The following MTHFD1L variants were observed in gnomAD, a reference collection of about 807,000 sequenced individuals.
MTHFD1L encodes the protein methylenetetrahydrofolate dehydrogenase (NADP+ dependent) 1 like.
Under a neutral mutation model 119.5 loss-of-function variants are expected in MTHFD1L, and 81 were observed. That is an observed-to-expected ratio of 0.68 (90% CI 0.57 to 0.82). MTHFD1L has a LOEUF of 0.82. Among genes scored for constraint, MTHFD1L ranks in the 40% least tolerant of loss-of-function variants. The pLI, the probability that MTHFD1L is intolerant of heterozygous loss-of-function variation, is 0.00. For missense variants in MTHFD1L, 1,125 were observed against 1,253.4 expected, an observed-to-expected ratio of 0.90 and a Z score of 1.55; for synonymous variants, 430 against 475.2, an observed-to-expected ratio of 0.90 and a Z score of 1.24.
At chr6:151,066,174 C>G (rs542430815) in intron 26 of MTHFD1L, among the ~76,000 whole-genome samples, 1 of 152,314 alleles carries the variant, frequency 6.6e-6, no homozygotes, top group East Asian at 1.9e-4. Flanking sequence ...CGGTGGCTTA[C>G]GCCTGTAATC....
intron 1 of MTHFD1L, among the ~76,000 whole-genome samples, chr6:150,871,032 T>TTA (rs900970610): frequency 2.8e-5 from 4 of 145,206 alleles, no homozygotes; most frequent in Admixed American, 7.0e-5. Context: ...ATACCTTAAT[T>TTA]TATATATATA....
rs58646889 is a variant in MTHFD1L at position 151,015,206 on chromosome 6, C to CTTTT, written c.2408+245_2408+248dup. 1.6e-3 allele frequency among the ~76,000 whole-genome samples: 124 copies of CTTTT among 76,864 alleles called. 2 individuals are homozygous for CTTTT. The highest frequency in any genetic ancestry group is 5.4e-3 in the African/African-American group (93 of 17,220). The allele number at this position is 76,864 out of a possible 152,430, so 50.4% of individuals were successfully genotyped here. A position where few individuals can be genotyped will look rare whatever the true frequency, so the allele number is the denominator to read the frequency against. ...ATATAGTGAGTTACTATCTCCTTGGCTTTTTTTTTTTTTTTTTTTTTTAAT... is the reference window on the plus strand; with the variant it reads ...ATATAGTGAGTTACTATCTCCTTGGCTTTTTTTTTTTTTTTTTTTTTTTTTTAAT... On this transcript the variant is annotated intron_variant, in intron 23 of 27. Transcript: ENST00000367321.
In MTHFD1L at chr6:150,923,402, A is replaced by G. The variant is rs934098469; in HGVS notation, c.1082+1100A>G. Among the ~76,000 whole-genome samples the G allele has an allele frequency of 3.3e-5, 5 of 152,094 alleles. No individual in the cohort carries two copies. The South Asian group carries it at 1.0e-3, about 32-fold the overall frequency. Reference sequence around the variant, plus strand: ...ACTCCAAGGAATTGGCCCCACCCCCATTATCCAGGTGTGCATAATACTAGG... The same window carrying G: ...ACTCCAAGGAATTGGCCCCACCCCCGTTATCCAGGTGTGCATAATACTAGG... On this transcript the variant is annotated intron_variant, in intron 10 of 27. Coordinates refer to ENST00000367321, the MANE Select transcript of MTHFD1L (RefSeq NM_015440.5).
intron 7 of MTHFD1L, among the ~76,000 whole-genome samples, chr6:150,904,281 A>T (rs1027732555): frequency 6.6e-6 from 1 of 152,064 alleles, no homozygotes; most frequent in African/African-American, 2.4e-5. Flanking sequence ...GTGTGTTGTA[A>T]TCTGCCCCTC....
At chr6:150,951,104 T>G (rs1371159916) in intron 16 of MTHFD1L, among the ~76,000 whole-genome samples, 5 of 147,484 alleles carry the variant, frequency 3.4e-5, no homozygotes, top group African/African-American at 1.2e-4. Flanking sequence ...TAGTGCAATC[T>G]CCACTCACTG....
At chr6:151,033,956 G>T (rs927123473) in intron 24 of MTHFD1L, among the ~76,000 whole-genome samples, 2 of 151,982 alleles carry the variant, frequency 1.3e-5, no homozygotes, top group African/African-American at 4.8e-5. Context: ...TGGACAGTTT[G>T]CTTGAGCCCA....
chr6:150,920,722 A>T (rs143915838), intron 9 of MTHFD1L, among the ~76,000 whole-genome samples: 254 of 151,252 alleles, frequency 1.7e-3, no homozygotes, highest in African/African-American at 5.9e-3. Flanking sequence ...CCTATTCAGT[A>T]TAAGTTTATC....
chr6:151,100,120 G>A (rs539584668), intron 27 of MTHFD1L, among the ~76,000 whole-genome samples: 4 of 146,660 alleles, frequency 2.7e-5, no homozygotes, highest in Non-Finnish European at 5.9e-5. Flanking sequence ...TGCAAGCTCC[G>A]CCTCCCGGGT....
At chr6:151,041,439 A>G (rs534804439) in intron 26 of MTHFD1L, among the ~76,000 whole-genome samples, 2 of 152,228 alleles carry the variant, frequency 1.3e-5, no homozygotes, top group South Asian at 2.1e-4. Context: ...CAGGTGGGAA[A>G]ATTCTAGCAA....
intron 26 of MTHFD1L, 72 bp downstream of exon 26, chr6:151,037,189 G>A (rs9478919): frequency 0.72 from 1,087,814 of 1,512,302 alleles, 396,194 homozygotes; most frequent in Non-Finnish European, 0.74. Context: ...GTTATGCTCC[G>A]CCCGCTCTTT....
chr6:150,940,975 C>G (rs530511652), intron 13 of MTHFD1L, among the ~76,000 whole-genome samples: 1 of 152,328 alleles, frequency 6.6e-6, no homozygotes, highest in East Asian at 1.9e-4. Flanking sequence ...CATCTGTATC[C>G]TCCCAGCTCT....
chr6:151,038,118 T>C (rs1214446650), intron 26 of MTHFD1L, among the ~76,000 whole-genome samples: 1 of 152,246 alleles, frequency 6.6e-6, no homozygotes, highest in Admixed American at 6.5e-5. Flanking sequence ...GAATTCTTCC[T>C]GCATGTGAGG....
At chr6:151,051,356 C>T (rs777410710) in intron 26 of MTHFD1L, among the ~76,000 whole-genome samples, 4 of 152,166 alleles carry the variant, frequency 2.6e-5, no homozygotes, top group Non-Finnish European at 4.4e-5. Context: ...TTTCAGGCTG[C>T]GTCATCATCA....
At position 151,004,496 on chromosome 6, in the gene MTHFD1L, T is replaced by C. The variant is rs1028275163; in HGVS notation, c.2126-5323T>C. Among the ~76,000 whole-genome samples the C allele has an allele frequency of 3.3e-5, 5 of 152,350 alleles. No homozygotes were observed. The Middle Eastern group carries it at 0.01, about 311-fold the overall frequency. ...GGAATGTTGTGTTGTTCTGGTGTTC[T>C]CGTTTCTGCCGTTATCATTGTTTCT... On this transcript the variant is annotated intron_variant, in intron 20 of 27. Transcript: ENST00000367321.
At chr6:150,952,673 G>A (rs568133581) in intron 16 of MTHFD1L, among the ~76,000 whole-genome samples, 112 of 152,236 alleles carry the variant, frequency 7.4e-4, no homozygotes, top group Non-Finnish European at 1.1e-3. Flanking sequence ...GGGACTACAG[G>A]CATGCGCCAC....
At chr6:150,893,177 GC>G (rs1783624746) in intron 7 of MTHFD1L, among the ~76,000 whole-genome samples, 1 of 152,144 alleles carries the variant, frequency 6.6e-6, no homozygotes, top group South Asian at 2.1e-4. Flanking sequence ...AGATTCTCAT[GC>G]CTCAGCCACC....
chr6:150,926,409 G>A lies in MTHFD1L; in HGVS notation c.1256+114G>A, dbSNP rs1419992383. 24 of 1,024,990 alleles carry A rather than the reference G, an allele frequency of 2.3e-5. No individual in the cohort carries two copies. The highest frequency in any genetic ancestry group is 7.7e-5 in the East Asian group (3 of 39,130). The allele number at this position is 1,024,990 out of a possible 1,614,324, so 63.5% of individuals were successfully genotyped here. On this transcript the variant is annotated intron_variant, in intron 11 of 27. Transcript: ENST00000367321. This position sits in a 1 kb window ranked among gnomAD's most constrained non-coding sequence, Gnocchi z 4.3. ...ATCCTATTCTCACATTTGACATTTC[G>A]TCCATTTCATTTGGCATTTCTTTAT...
intron 8 of MTHFD1L, among the ~76,000 whole-genome samples, chr6:150,907,382 A>G (rs1029693336): frequency 6.6e-6 from 1 of 152,212 alleles, no homozygotes; most frequent in African/African-American, 2.4e-5. Flanking sequence ...TGGGGGAAAA[A>G]AAGACCAAGG....
intron 26 of MTHFD1L, among the ~76,000 whole-genome samples, chr6:151,058,625 C>T (rs1790272834): frequency 6.6e-6 from 1 of 152,180 alleles, no homozygotes. Context: ...TGACAAGGGA[C>T]AGCCATGGCT....
Sources: allele counts gnomAD v4.1 joint callset (sites outside exome capture counted in the v4.1 genomes callset), GRCh38; gene constraint gnomAD v4.1.1; non-coding constraint Gnocchi (gnomAD v3.1); transcripts MANE v1.5; gene names NCBI Gene and HGNC (gene_info 2026-07-23, HGNC 2026-07-21).